Variants in TPST1 observed in about 807,000 individuals in gnomAD.
The protein encoded by TPST1 is tyrosylprotein sulfotransferase 1, also known as protein-tyrosine sulfotransferase 1.
A neutral mutation model predicts 34.8 loss-of-function variants in TPST1; 20 were observed. The observed-to-expected ratio is 0.57, with a 90% CI of 0.40 to 0.84. The LOEUF (loss-of-function observed/expected upper bound fraction) is 0.84. TPST1 is among the 40% of genes least tolerant of loss of function. The pLI, the probability that TPST1 is intolerant of heterozygous loss-of-function variation, is 0.00. For missense variants in TPST1, 353 were observed against 455.5 expected (o/e 0.78, Z 2.05); for synonymous variants, 152 against 159.4 (o/e 0.95, Z 0.35).
chr7:66,199,447 A>G, the TPST1 span, among the ~76,000 whole-genome samples: 4 of 151,766 alleles, frequency 2.6e-5, no homozygotes, highest in Non-Finnish European at 5.9e-5. Flanking sequence ...GGTGCCCACC[A>G]CCACACCCAG....
At chr7:66,311,125 T>G (rs796758599) in intron 3 of TPST1, among the ~76,000 whole-genome samples, 8 of 151,996 alleles carry the variant, frequency 5.3e-5, no homozygotes, top group African/African-American at 1.9e-4. Context: ...TATTGAAGTA[T>G]TTTGTCTTTT....
chr7:66,219,429 C>A (rs1264718201), intron 1 of TPST1, among the ~76,000 whole-genome samples: 1 of 152,194 alleles, frequency 6.6e-6, no homozygotes, highest in Non-Finnish European at 1.5e-5. Context: ...TCTGTTATTT[C>A]TTGAGTCCAA....
At chr7:66,319,151 TTTC>T (rs1338318908) in intron 3 of TPST1, among the ~76,000 whole-genome samples, 2 of 152,220 alleles carry the variant, frequency 1.3e-5, no homozygotes, top group South Asian at 2.1e-4. Flanking sequence ...TCTTTGAATA[TTTC>T]TTCTTCTCCG....
At chr7:66,285,811 G>A (rs947472909) in intron 2 of TPST1, among the ~76,000 whole-genome samples, 1 of 152,146 alleles carries the variant, frequency 6.6e-6, no homozygotes, top group African/African-American at 2.4e-5. Context: ...TACAGGCTTA[G>A]AGTAAATTTC....
intron 3 of TPST1, among the ~76,000 whole-genome samples, chr7:66,317,155 AAAGTTGTTTG>A (rs1791650200): frequency 6.6e-6 from 1 of 152,238 alleles, no homozygotes. Context: ...CACTTGTGAT[AAAGTTGTTTG>A]TAGTATTTAA....
At chr7:66,345,036 A>G (rs1021896816) in intron 3 of TPST1, among the ~76,000 whole-genome samples, 2 of 151,848 alleles carry the variant, frequency 1.3e-5, no homozygotes, top group African/African-American at 4.8e-5. Flanking sequence ...TTTTTTAAAA[A>G]ATTAAAAAAA....
intron 1 of TPST1, among the ~76,000 whole-genome samples, chr7:66,212,265 G>A (rs902680032): frequency 6.6e-6 from 1 of 152,050 alleles, no homozygotes; most frequent in Non-Finnish European, 1.5e-5. Flanking sequence ...CTTGAACAGT[G>A]GCATAACAAT....
intron 1 of TPST1, among the ~76,000 whole-genome samples, chr7:66,226,433 G>A (rs151086726): frequency 5.3e-5 from 8 of 152,260 alleles, no homozygotes; most frequent in African/African-American, 7.2e-5. Context: ...AGCATTATAC[G>A]TAGATGATCT....
At chr7:66,236,665 C>G (rs566741571) in intron 1 of TPST1, among the ~76,000 whole-genome samples, 1 of 152,250 alleles carries the variant, frequency 6.6e-6, no homozygotes, top group African/African-American at 2.4e-5. Flanking sequence ...TCAGGACTTC[C>G]TGAGGCTGTT....
chr7:66,246,639 A>G (rs1220080632), intron 2 of TPST1, among the ~76,000 whole-genome samples: 1 of 152,222 alleles, frequency 6.6e-6, no homozygotes, highest in East Asian at 1.9e-4. Flanking sequence ...TAGAGATCCA[A>G]AATAACAAAG....
intron 3 of TPST1, among the ~76,000 whole-genome samples, chr7:66,328,026 T>C (rs1791907438): frequency 7.9e-6 from 1 of 125,850 alleles, no homozygotes; most frequent in East Asian, 2.3e-4. Flanking sequence ...TTTTTTTTTT[T>C]TTTTTTTTTT....
chr7:66,283,210 G>T (rs1397247425), intron 2 of TPST1, among the ~76,000 whole-genome samples: 2 of 152,156 alleles, frequency 1.3e-5, no homozygotes, highest in Non-Finnish European at 2.9e-5. Flanking sequence ...ATAGTGTGCT[G>T]AGATTGCGTC....
intron 3 of TPST1, among the ~76,000 whole-genome samples, chr7:66,349,656 A>G (rs1792430224): frequency 1.3e-5 from 2 of 152,138 alleles, no homozygotes; most frequent in Non-Finnish European, 2.9e-5. Flanking sequence ...GGCAGACCCA[A>G]CCTGAACTGG....
intron 3 of TPST1, among the ~76,000 whole-genome samples, chr7:66,335,840 G>A (rs1158325225): frequency 1.3e-5 from 2 of 152,174 alleles, no homozygotes; most frequent in Non-Finnish European, 2.9e-5. Context: ...GCAAAACCTA[G>A]AAGAAATGGC....
At chr7:66,298,318 A>G (rs1022163810) in intron 3 of TPST1, among the ~76,000 whole-genome samples, 24 of 152,064 alleles carry the variant, frequency 1.6e-4, no homozygotes, top group Non-Finnish European at 2.1e-4. Context: ...TGTATTTAGG[A>G]TCTATATTAT....
upstream of TPST1, among the ~76,000 whole-genome samples, chr7:66,204,536 T>A (rs1001548711): frequency 6.6e-6 from 1 of 152,234 alleles, no homozygotes; most frequent in Non-Finnish European, 1.5e-5. Context: ...CAATTTTGAA[T>A]ACAGCTGTTA....
At chr7:66,212,662 G>C (rs906502432) in intron 1 of TPST1, among the ~76,000 whole-genome samples, 1 of 152,030 alleles carries the variant, frequency 6.6e-6, no homozygotes, top group African/African-American at 2.4e-5. Flanking sequence ...GTTTCACCAT[G>C]TTGGCCAGGC....
chr7:66,293,545 G>A lies in TPST1; in HGVS notation c.1044+6836G>A, dbSNP rs144782228. On this transcript the variant is annotated intron_variant, in intron 3 of 5. Coordinates refer to ENST00000304842, the MANE Select transcript of TPST1 (RefSeq NM_003596.4). Reference sequence around the variant, plus strand: ...TGAAGAAAAATTATATTTGTAGAATGCTTTCTTATCAGCAGTCTTCCACTG... The same window carrying A: ...TGAAGAAAAATTATATTTGTAGAATACTTTCTTATCAGCAGTCTTCCACTG... 8.4e-4 allele frequency among the ~76,000 whole-genome samples: 128 copies of A among 152,248 alleles called. 1 individual carries two copies. The South Asian group carries it at 0.013, about 15-fold the overall frequency.
chr7:66,242,894 A>G (rs1039817535), intron 2 of TPST1, among the ~76,000 whole-genome samples: 1 of 152,198 alleles, frequency 6.6e-6, no homozygotes, highest in Non-Finnish European at 1.5e-5. Context: ...GAAAGTAAAG[A>G]GATGTTACTT....
Sources: allele counts gnomAD v4.1 joint callset (sites outside exome capture counted in the v4.1 genomes callset), GRCh38; gene constraint gnomAD v4.1.1; transcripts MANE v1.5; gene names NCBI Gene and HGNC (gene_info 2026-07-23, HGNC 2026-07-21).